Variants in CNTN1 observed in about 807,000 individuals in gnomAD.
The protein encoded by CNTN1 is contactin-1.
Under a neutral mutation model 126.4 loss-of-function variants are expected in CNTN1, and 38 were observed. The ratio of observed to expected loss-of-function variants is 0.30; its 90% confidence interval spans 0.23 to 0.39. The LOEUF is 0.39. Among genes scored for constraint, CNTN1 ranks in the 10% least tolerant of loss-of-function variants. The pLI is 1.00. For synonymous variants in CNTN1, 413 were observed against 422.6 expected (o/e 0.98, Z 0.28); for missense variants, 1,009 against 1,248.4 (o/e 0.81, Z 2.89).
At chr12:41,068,303 T>C (rs1202383691) in intron 23 of CNTN1, among the ~76,000 whole-genome samples, 1 of 152,176 alleles carries the variant, frequency 6.6e-6, no homozygotes, top group Non-Finnish European at 1.5e-5. Context: ...AACATAGTCT[T>C]GTAGCTGGCT....
chr12:41,007,489 C>T lies in CNTN1; in HGVS notation c.2114-6739C>T, dbSNP rs959114930. 8.5e-5 allele frequency among the ~76,000 whole-genome samples: 13 copies of T among 152,192 alleles called. No individual in the cohort carries two copies. In the South Asian group the frequency reaches 1.0e-3, roughly 12 times the overall value. ...GGAAAACTTAGGACATGGACTCACA[C>T]GAGGAGTTTAGCAGCAGAGGTTTAA... On this transcript the variant is annotated intron_variant, in intron 17 of 23. Transcript: ENST00000551295.
chr12:40,975,181 TATATATATATATATATATATATA>T (rs1947639151), intron 15 of CNTN1, among the ~76,000 whole-genome samples: 1 of 126,700 alleles, frequency 7.9e-6, no homozygotes, highest in African/African-American at 2.9e-5. Context: ...AAATGGATTA[TATATATATATATATATATATATA>T]TATATATATA....
intron 1 of CNTN1, among the ~76,000 whole-genome samples, chr12:40,748,550 AGTT>A (rs1231498061): frequency 3.3e-5 from 5 of 152,294 alleles, no homozygotes; most frequent in Middle Eastern, 3.4e-3. Flanking sequence ...TTGCTGAAAT[AGTT>A]GTTGTACTTG....
rs1311545674 is a variant in CNTN1 at position 41,071,239 on chromosome 12, C to T, written c.*1204C>T. On this transcript the variant is annotated 3_prime_UTR_variant, in exon 24 of 24. Transcript: ENST00000551295. ...GGAGGAGGCAAATAATATGTCTTTC[C>T]GATGGTGTCTCCCAAGTGTTGGTGC... 5 of 151,966 alleles carry T rather than the reference C, an allele frequency of 3.3e-5. No individual in the cohort carries two copies. The highest frequency in any genetic ancestry group is 7.4e-5 in the Non-Finnish European group (5 of 67,994). The allele number at this position is 151,966 out of a possible 1,614,324, so 9.4% of individuals were successfully genotyped here.
intron 1 of CNTN1, among the ~76,000 whole-genome samples, chr12:40,899,056 T>G (rs10784938): frequency 0.049 from 7,521 of 152,234 alleles, 414 homozygotes; most frequent in African/African-American, 0.14. Flanking sequence ...CAGGAAGTCT[T>G]TAAAACTCTC....
intron 20 of CNTN1, among the ~76,000 whole-genome samples, chr12:41,023,965 C>A (rs1948983370): frequency 6.6e-6 from 1 of 152,098 alleles, no homozygotes; most frequent in Admixed American, 6.6e-5. Context: ...TGCTATTTGT[C>A]TTGTTGGCAA....
At chr12:40,947,780 TATACACACACACAC>T (rs1299165537) in intron 14 of CNTN1, among the ~76,000 whole-genome samples, 1 of 67,584 alleles carries the variant, frequency 1.5e-5, no homozygotes, top group Non-Finnish European at 2.8e-5. Flanking sequence ...TATATATATA[TATACACACACACAC>T]ACACACACAC....
intron 1 of CNTN1, among the ~76,000 whole-genome samples, chr12:40,810,173 G>A (rs1941005264): frequency 6.6e-6 from 1 of 151,990 alleles, no homozygotes; most frequent in Non-Finnish European, 1.5e-5. Flanking sequence ...TTTGTTTGGG[G>A]CATTTATTCA....
chr12:41,068,431 C>T (rs1950095020), intron 23 of CNTN1, among the ~76,000 whole-genome samples: 1 of 152,068 alleles, frequency 6.6e-6, no homozygotes, highest in African/African-American at 2.4e-5. Context: ...TCTGCCCTCA[C>T]CTTTTGACCC....
intron 23 of CNTN1, among the ~76,000 whole-genome samples, chr12:41,036,912 T>C (rs180980764): frequency 6.6e-6 from 1 of 152,304 alleles, no homozygotes; most frequent in East Asian, 1.9e-4. Flanking sequence ...TGTAGCATTT[T>C]GTCCTTTTAA....
At chr12:40,898,298 T>C (rs549180346) in intron 1 of CNTN1, among the ~76,000 whole-genome samples, 2 of 152,170 alleles carry the variant, frequency 1.3e-5, no homozygotes, top group African/African-American at 4.8e-5. Flanking sequence ...CTGGACATGG[T>C]AGATACTTAA....
At chr12:40,757,286 G>A (rs1416681304) in intron 1 of CNTN1, among the ~76,000 whole-genome samples, 3 of 5,134 alleles carry the variant, frequency 5.8e-4, no homozygotes, top group Non-Finnish European at 3.5e-3. Context: ...TTTGAGTTTG[G>A]GAAGGACAAA....
rs191739871 is a variant in CNTN1, at chr12:41,002,267, G to A, written c.2113+8998G>A. Among the ~76,000 whole-genome samples, 16 of 152,158 alleles carry A rather than the reference G, an allele frequency of 1.1e-4. No homozygotes were observed. The East Asian group carries it at 1.5e-3, about 15-fold the overall frequency. ...TATAGTATTGATGCTTTCTATCCAC[G>A]AGCATGGAATGTTTTTCCATTTGTT... On this transcript the variant is annotated intron_variant, in intron 17 of 23. Transcript: ENST00000551295.
At chr12:41,009,624 T>C (rs899491159) in intron 17 of CNTN1, among the ~76,000 whole-genome samples, 7 of 152,168 alleles carry the variant, frequency 4.6e-5, no homozygotes, top group Non-Finnish European at 8.8e-5. Flanking sequence ...TCATTCCCCA[T>C]TGAGTTTTAT....
intron 18 of CNTN1, 133 bp from the exon 19 acceptor site, chr12:41,016,549 G>A: frequency 2.9e-6 from 2 of 680,502 alleles, no homozygotes; most frequent in East Asian, 2.7e-5. Context: ...CTGACATTTG[G>A]AACCAGCACT....
rs1949331661 is a variant in CNTN1, at chr12:41,038,902, A to G, written c.2980+9683A>G. 3.9e-5 allele frequency among the ~76,000 whole-genome samples: 6 copies of G among 152,078 alleles called. No individual in the cohort carries two copies. The South Asian group carries it at 1.2e-3, about 31-fold the overall frequency. ...TCTGATAAGGAAATGCTTGAAAAAA[A>G]ATGGAATAAAGTGAGAGAAAAGTTG... On this transcript the variant is annotated intron_variant, in intron 23 of 23. Transcript: ENST00000551295.
At chr12:40,988,552 A>G (rs1026809685) in intron 16 of CNTN1, among the ~76,000 whole-genome samples, 2 of 152,180 alleles carry the variant, frequency 1.3e-5, no homozygotes, top group East Asian at 3.9e-4. Flanking sequence ...CAACTAAAAC[A>G]CAATGAATTA....
chr12:41,011,887 A>T (rs1592400667), intron 17 of CNTN1, among the ~76,000 whole-genome samples: 1 of 152,226 alleles, frequency 6.6e-6, no homozygotes, highest in East Asian at 1.9e-4. Context: ...CAGAATAGGT[A>T]TCTTAAAAGA....
intron 1 of CNTN1, among the ~76,000 whole-genome samples, chr12:40,796,376 AG>A (rs1306306500): frequency 6.6e-6 from 1 of 152,048 alleles, no homozygotes; most frequent in Non-Finnish European, 1.5e-5. Flanking sequence ...CTCTGTGACT[AG>A]TAACATCAGC....
Sources: allele counts gnomAD v4.1 joint callset (sites outside exome capture counted in the v4.1 genomes callset), GRCh38; gene constraint gnomAD v4.1.1; transcripts MANE v1.5; gene names NCBI Gene and HGNC (gene_info 2026-07-23, HGNC 2026-07-21).